The following CMIP variants were observed in gnomAD, a reference collection of about 807,000 sequenced individuals.
The protein encoded by CMIP is c-Maf inducing protein, also known as C-Maf-inducing protein.
A neutral mutation model predicts 97.3 loss-of-function variants in CMIP; 13 were observed. The ratio of observed to expected loss-of-function variants is 0.13; its 90% CI spans 0.09 to 0.21. The LOEUF is 0.21. Ranked by LOEUF, CMIP falls within the 10% of genes least tolerant of loss-of-function variation. The pLI, the probability that CMIP is intolerant of heterozygous loss-of-function variation, is 1.00. For missense variants in CMIP, 847 were observed against 1,024.9 expected (o/e 0.83, Z 2.37); for synonymous variants, 538 against 436.3 (o/e 1.23, Z -2.91).
intron 1 of CMIP, chr16:81,495,634 G>C: frequency 1.2e-6 from 1 of 814,508 alleles, no homozygotes. Flanking sequence ...TAATCTGAGA[G>C]ACCCCAGGCC....
chr16:81,532,882 C>T (rs2090267088), intron 1 of CMIP, among the ~76,000 whole-genome samples: 3 of 152,158 alleles, frequency 2.0e-5, no homozygotes, highest in Admixed American at 1.3e-4. Context: ...GTGAAAGCCT[C>T]CCTCCCTTAC....
chr16:81,502,432 G>C (rs2089630136), intron 1 of CMIP, among the ~76,000 whole-genome samples: 1 of 152,198 alleles, frequency 6.6e-6, no homozygotes, highest in East Asian at 1.9e-4. Context: ...TGGAGGGGGA[G>C]GTGACATGGC....
At chr16:81,496,124 A>G (rs2089486385) in intron 1 of CMIP, among the ~76,000 whole-genome samples, 1 of 152,088 alleles carries the variant, frequency 6.6e-6, no homozygotes, top group Admixed American at 6.6e-5. Context: ...TCATCTGTAG[A>G]ATGGGGATAA....
At chr16:81,667,793 AGAGAGAGTGTGTGT>A (rs1379257213) in intron 7 of CMIP, among the ~76,000 whole-genome samples, 494 of 89,482 alleles carry the variant, frequency 5.5e-3, no homozygotes, top group African/African-American at 0.019. Context: ...AGAGAGAGAG[AGAGAGAGTGTGTGT>A]GTGTGTGTGT....
At chr16:81,615,822 T>C (rs1409222253) in intron 2 of CMIP, among the ~76,000 whole-genome samples, 1 of 152,064 alleles carries the variant, frequency 6.6e-6, no homozygotes, top group Non-Finnish European at 1.5e-5. Flanking sequence ...TGTTTTAGGT[T>C]CTCAAAGGGG....
intron 2 of CMIP, chr16:81,619,524 GGA>G (rs1358345323): frequency 6.6e-6 from 1 of 152,268 alleles, no homozygotes; most frequent in African/African-American, 2.4e-5. Flanking sequence ...GTTCGTGCTT[GGA>G]GAGAGACTCT....
At position 81,655,387 on chromosome 16, in the gene CMIP, G is replaced by C. The variant is rs1262051320; in HGVS notation, c.640-2388G>C. On this transcript the variant is annotated intron_variant, in intron 4 of 20. Coordinates refer to ENST00000537098, the MANE Select transcript of CMIP (RefSeq NM_198390.3). The surrounding 1 kb of genome is among the most constrained non-coding windows in gnomAD (Gnocchi z 4.9). ...AAGGACGCAAAACAGTTCCGAGAAA[G>C]AACTGTCCGTCCACCAGCAAAGCAA... Among the ~76,000 whole-genome samples, 1 of 152,178 alleles carries C rather than the reference G, an allele frequency of 6.6e-6. No individual in the cohort carries two copies. Among genetic ancestry groups the C allele is most frequent in the Non-Finnish European group, 1.5e-5 (1 of 68,042 alleles).
chr16:81,696,912 A>G, intron 14 of CMIP: 1 of 566,210 alleles, frequency 1.8e-6, no homozygotes, highest in Admixed American at 3.3e-5. Context: ...CTCTCACAGC[A>G]CAGTGAGAAG....
At chr16:81,504,869 T>C (rs1401486864) in intron 1 of CMIP, among the ~76,000 whole-genome samples, 2 of 152,204 alleles carry the variant, frequency 1.3e-5, no homozygotes, top group Non-Finnish European at 2.9e-5. Flanking sequence ...ATTTTCATTA[T>C]AGTTTTCAAA....
At chr16:81,564,165 C>T (rs1001821412) in intron 1 of CMIP, among the ~76,000 whole-genome samples, 1 of 152,242 alleles carries the variant, frequency 6.6e-6, no homozygotes, top group Non-Finnish European at 1.5e-5. Flanking sequence ...TCAAATACAC[C>T]TGCCAGGGGA....
chr16:81,528,095 A>G (rs1206344576), intron 1 of CMIP, among the ~76,000 whole-genome samples: 1 of 152,202 alleles, frequency 6.6e-6, no homozygotes, highest in Non-Finnish European at 1.5e-5. Context: ...TGTTATTGTC[A>G]GTCTTTTAAA....
intron 10 of CMIP, among the ~76,000 whole-genome samples, chr16:81,686,037 G>T (rs939105164): frequency 4.6e-5 from 7 of 152,216 alleles, no homozygotes; most frequent in Admixed American, 6.5e-5. Context: ...GCCCATCACT[G>T]TGTCTCCATT....
intron 1 of CMIP, among the ~76,000 whole-genome samples, chr16:81,591,913 C>T (rs1339748203): frequency 2.6e-5 from 4 of 151,790 alleles, no homozygotes; most frequent in Admixed American, 2.6e-4. Context: ...CACCCTCCAC[C>T]TCCCAGGCTC....
intron 1 of CMIP, among the ~76,000 whole-genome samples, chr16:81,447,419 G>A (rs112858246): frequency 6.6e-5 from 10 of 151,944 alleles, no homozygotes; most frequent in Non-Finnish European, 8.8e-5. Flanking sequence ...GCCAGCTCTC[G>A]AGGCTAATGC....
chr16:81,589,244 G>A (rs2150916504), intron 1 of CMIP, among the ~76,000 whole-genome samples: 1 of 152,136 alleles, frequency 6.6e-6, no homozygotes, highest in African/African-American at 2.4e-5. Flanking sequence ...CTACAGGCGT[G>A]CACCACCACA....
At chr16:81,676,516 G>A (rs1904313631) in intron 9 of CMIP, among the ~76,000 whole-genome samples, 1 of 152,160 alleles carries the variant, frequency 6.6e-6, no homozygotes, top group Admixed American at 6.5e-5. Context: ...GGCAAACAAA[G>A]AGAAATGCAG....
At chr16:81,581,703 A>G (rs1159531533) in intron 1 of CMIP, among the ~76,000 whole-genome samples, 1 of 152,088 alleles carries the variant, frequency 6.6e-6, no homozygotes, top group Non-Finnish European at 1.5e-5. Context: ...CCTCACCATA[A>G]CACCCTGAGG....
At chr16:81,677,264 G>C (rs1373886317) in intron 9 of CMIP, among the ~76,000 whole-genome samples, 1 of 152,112 alleles carries the variant, frequency 6.6e-6, no homozygotes, top group East Asian at 1.9e-4. Context: ...TGGGCTTTGG[G>C]GTCCAGGAGA....
intron 3 of CMIP, among the ~76,000 whole-genome samples, chr16:81,626,496 G>T (rs1375763958): frequency 6.7e-6 from 1 of 149,920 alleles, no homozygotes; most frequent in Non-Finnish European, 1.5e-5. Flanking sequence ...TTATGAATGT[G>T]TGGGGTGACT....
Sources: allele counts gnomAD v4.1 joint callset (sites outside exome capture counted in the v4.1 genomes callset), GRCh38; gene constraint gnomAD v4.1.1; non-coding constraint Gnocchi (gnomAD v3.1); transcripts MANE v1.5; gene names NCBI Gene and HGNC (gene_info 2026-07-23, HGNC 2026-07-21).